Variants in DIP2C observed in about 807,000 individuals in gnomAD.
DIP2C encodes the protein DIP2 acetate--CoA ligase C (putative).
A neutral mutation model predicts 192.4 loss-of-function variants in DIP2C; 33 were observed. That is an observed-to-expected ratio of 0.17 (90% CI 0.13 to 0.23). The LOEUF (loss-of-function observed/expected upper bound fraction) is 0.23, where lower values mean the gene tolerates loss of function less well. DIP2C is among the 10% of genes least tolerant of loss of function. DIP2C has a pLI of 1.00. For missense variants in DIP2C, 1,537 were observed against 2,110.1 expected (o/e 0.73, Z 5.32); for synonymous variants, 979 against 864.1 (o/e 1.13, Z -2.33).
chr10:531,383 T>C (rs771995051), intron 1 of DIP2C, among the ~76,000 whole-genome samples: 14 of 152,106 alleles, frequency 9.2e-5, no homozygotes, highest in Non-Finnish European at 1.8e-4. Context: ...GTGCTTACAG[T>C]TCCCCCGAGA....
intron 1 of DIP2C, among the ~76,000 whole-genome samples, chr10:558,893 C>T (rs543694113): frequency 1.6e-4 from 24 of 152,236 alleles, no homozygotes; most frequent in African/African-American, 5.1e-4. Context: ...ACTTGGAGAA[C>T]ACAGCAGGAC....
intron 1 of DIP2C, among the ~76,000 whole-genome samples, 196 bp from the exon 2 acceptor site, chr10:486,726 C>G (rs1449148189): frequency 6.6e-6 from 1 of 152,200 alleles, no homozygotes; most frequent in Non-Finnish European, 1.5e-5. Flanking sequence ...ATGTAAGTCA[C>G]TAAAACTCAT....
chr10:339,276 T>C (rs959842367), intron 29 of DIP2C, among the ~76,000 whole-genome samples: 1 of 152,204 alleles, frequency 6.6e-6, no homozygotes, highest in Non-Finnish European at 1.5e-5. Flanking sequence ...TCTGTTTCTA[T>C]AGAGATTTTT....
At chr10:433,443 G>C (rs529217477) in intron 4 of DIP2C, among the ~76,000 whole-genome samples, 3 of 152,032 alleles carry the variant, frequency 2.0e-5, no homozygotes, top group African/African-American at 7.2e-5. Flanking sequence ...TTAGGAGGCC[G>C]AGGCAGGATG....
At chr10:600,634 C>T (rs1006619014) in intron 1 of DIP2C, among the ~76,000 whole-genome samples, 5 of 151,842 alleles carry the variant, frequency 3.3e-5, no homozygotes, top group African/African-American at 1.2e-4. Context: ...CTCAATGACC[C>T]GACAGCCCTT....
chr10:601,181 T>C (rs1222882842), intron 1 of DIP2C, among the ~76,000 whole-genome samples: 1 of 152,208 alleles, frequency 6.6e-6, no homozygotes, highest in Non-Finnish European at 1.5e-5. Context: ...AGGTTTTAAT[T>C]ATAGTACTTT....
intron 1 of DIP2C, among the ~76,000 whole-genome samples, chr10:685,131 T>TC (rs1564340827): frequency 4.4e-4 from 17 of 38,884 alleles, no homozygotes; most frequent in African/African-American, 1.6e-3. Context: ...TGAAACTTGG[T>TC]CCCCAAAAAA....
At chr10:451,342 C>T (rs1195188246) in intron 3 of DIP2C, among the ~76,000 whole-genome samples, 1 of 152,198 alleles carries the variant, frequency 6.6e-6, no homozygotes, top group South Asian at 2.1e-4. Context: ...GGGATTTACT[C>T]GGCCACCAAA....
chr10:357,505 C>A lies in DIP2C; in HGVS notation c.2904+323G>T, dbSNP rs985793496. On this transcript the variant is annotated intron_variant, in intron 23 of 36. Transcript: ENST00000280886. Reference sequence around the variant, plus strand: ...GAGTCGTGGGACTGGACACCCCTCACCGATTTCTGCATCGCTGTGACATTT... The same window carrying A: ...GAGTCGTGGGACTGGACACCCCTCAACGATTTCTGCATCGCTGTGACATTT... 3.3e-5 allele frequency among the ~76,000 whole-genome samples: 5 copies of A among 152,220 alleles called. No homozygotes were observed. In the South Asian group the frequency reaches 1.0e-3, roughly 32 times the overall value.
At chr10:497,676 G>A (rs987027997) in intron 1 of DIP2C, among the ~76,000 whole-genome samples, 1 of 152,202 alleles carries the variant, frequency 6.6e-6, no homozygotes, top group South Asian at 2.1e-4. Context: ...GGGCTCCTCT[G>A]ACACACGTAA....
At chr10:556,665 T>TGC (rs1274558600) in intron 1 of DIP2C, among the ~76,000 whole-genome samples, 1 of 152,046 alleles carries the variant, frequency 6.6e-6, no homozygotes, top group Non-Finnish European at 1.5e-5. Flanking sequence ...GGCCTGGCCC[T>TGC]GCATCCTGTC....
At chr10:487,550 T>C (rs1470271716) in intron 1 of DIP2C, among the ~76,000 whole-genome samples, 1 of 130,508 alleles carries the variant, frequency 7.7e-6, no homozygotes, top group Non-Finnish European at 1.6e-5. Flanking sequence ...GGAACCCGCA[T>C]CCGCCCATCA....
At chr10:454,751 C>A (rs1035402908) in intron 3 of DIP2C, among the ~76,000 whole-genome samples, 1 of 151,278 alleles carries the variant, frequency 6.6e-6, no homozygotes, top group African/African-American at 2.4e-5. Flanking sequence ...CAAACGCACC[C>A]TCTATGCTCG....
chr10:564,005 T>C (rs816623), intron 1 of DIP2C, among the ~76,000 whole-genome samples: 23,736 of 152,190 alleles, frequency 0.16, 3,406 homozygotes, highest in African/African-American at 0.38. Flanking sequence ...GATCAATTAT[T>C]TGAGAGAAGA....
At chr10:576,515 A>G (rs137991468) in intron 1 of DIP2C, among the ~76,000 whole-genome samples, 1 of 152,330 alleles carries the variant, frequency 6.6e-6, no homozygotes, top group East Asian at 1.9e-4. Context: ...TGAGCGCTAA[A>G]TTAGCATGTA....
At chr10:474,730 G>A (rs953069168) in intron 2 of DIP2C, among the ~76,000 whole-genome samples, 7 of 152,218 alleles carry the variant, frequency 4.6e-5, no homozygotes, top group Admixed American at 6.5e-5. Flanking sequence ...CAGTGAGACC[G>A]AGTCTTTCGC....
At chr10:387,006 C>G (rs542205137) in intron 14 of DIP2C, among the ~76,000 whole-genome samples, 20 of 152,306 alleles carry the variant, frequency 1.3e-4, no homozygotes, top group Admixed American at 7.2e-4. Flanking sequence ...ACAACACACA[C>G]AGACTGCCAT....
intron 31 of DIP2C, among the ~76,000 whole-genome samples, chr10:313,142 T>C (rs967141881): frequency 2.6e-5 from 4 of 152,190 alleles, no homozygotes; most frequent in African/African-American, 9.7e-5. Flanking sequence ...AGATACATAT[T>C]GAGGGAGTAT....
At chr10:581,984 C>G (rs1173393929) in intron 1 of DIP2C, among the ~76,000 whole-genome samples, 1 of 151,800 alleles carries the variant, frequency 6.6e-6, no homozygotes, top group Non-Finnish European at 1.5e-5. Flanking sequence ...ATTGGATCCT[C>G]ATAAGGAGCA....
Sources: allele counts gnomAD v4.1 joint callset (sites outside exome capture counted in the v4.1 genomes callset), GRCh38; gene constraint gnomAD v4.1.1; transcripts MANE v1.5; gene names NCBI Gene and HGNC (gene_info 2026-07-23, HGNC 2026-07-21).